KIAA1549: variants seen among roughly 807,000 people sequenced by gnomAD.
KIAA1549 encodes the protein KIAA1549.
KIAA1549 carries 70 observed loss-of-function variants against 156.4 expected under a neutral mutation model. The observed-to-expected ratio is 0.45, with a 90% CI of 0.37 to 0.55. The LOEUF (loss-of-function observed/expected upper bound fraction) is 0.55. KIAA1549 is among the 20% of genes least tolerant of loss of function. The pLI is 0.00. For synonymous variants in KIAA1549, 1,103 were observed against 1,066.4 expected, an observed-to-expected ratio of 1.03 and a Z score of -0.67; for missense variants, 2,428 against 2,540.9, an observed-to-expected ratio of 0.96 and a Z score of 0.96.
intron 14 of KIAA1549, 129 bp from the exon 15 acceptor site, chr7:138,868,257 G>A (rs563204556): frequency 2.5e-5 from 21 of 848,372 alleles, no homozygotes; most frequent in African/African-American, 2.2e-4. Context: ...GGATATAAAC[G>A]CCATGTACGA....
chr7:138,845,369 A>T (rs888243124), intron 17 of KIAA1549, among the ~76,000 whole-genome samples: 1 of 152,178 alleles, frequency 6.6e-6, no homozygotes, highest in Non-Finnish European at 1.5e-5. Flanking sequence ...GGCTTCAGAG[A>T]ATACATAGTT....
intron 1 of KIAA1549, among the ~76,000 whole-genome samples, chr7:138,944,062 C>T (rs1367111781): frequency 6.7e-6 from 1 of 148,198 alleles, no homozygotes; most frequent in Non-Finnish European, 1.5e-5. Flanking sequence ...TTACACTGAG[C>T]GGGCCTCTCT....
chr7:138,960,269 C>G (rs1356510784), intron 1 of KIAA1549, among the ~76,000 whole-genome samples: 1 of 150,890 alleles, frequency 6.6e-6, no homozygotes, highest in Non-Finnish European at 1.5e-5. Flanking sequence ...GACCTCATCT[C>G]TACAAAAATA....
At chr7:138,882,753 A>G (rs1811278988) in intron 10 of KIAA1549, among the ~76,000 whole-genome samples, 1 of 152,186 alleles carries the variant, frequency 6.6e-6, no homozygotes, top group Non-Finnish European at 1.5e-5. Context: ...TCTAGAAAGA[A>G]GTAGTCAAAA....
At chr7:138,975,565 C>G (rs6952500) in intron 1 of KIAA1549, among the ~76,000 whole-genome samples, 7,376 of 152,118 alleles carry the variant, frequency 0.048, 199 homozygotes, top group Middle Eastern at 0.082. Flanking sequence ...CTTTCTTACA[C>G]CGAGGAGGAA....
At chr7:138,969,917 C>T (rs1584792621) in intron 1 of KIAA1549, among the ~76,000 whole-genome samples, 1 of 152,184 alleles carries the variant, frequency 6.6e-6, no homozygotes, top group African/African-American at 2.4e-5. Context: ...GCATAATAAT[C>T]ACATCAAGGT....
intron 1 of KIAA1549, among the ~76,000 whole-genome samples, chr7:138,925,045 C>A (rs1393087440): frequency 6.6e-6 from 1 of 152,150 alleles, no homozygotes; most frequent in Non-Finnish European, 1.5e-5. Flanking sequence ...AGGCAACAAA[C>A]CCTTGTTCAC....
intron 1 of KIAA1549, among the ~76,000 whole-genome samples, chr7:138,941,474 C>T (rs971227904): frequency 3.9e-5 from 6 of 152,198 alleles, no homozygotes; most frequent in African/African-American, 7.2e-5. Context: ...CCTTAAGACA[C>T]GATGGTTAAA....
Position 138,838,054 on chromosome 7 carries a change from C to A in KIAA1549, c.5705G>T (p.Gly1902Val). 1.3e-6 allele frequency: 2 copies of A among 1,599,738 alleles called. No homozygotes were observed. The highest frequency in any genetic ancestry group is 1.7e-5 in the Admixed American group (1 of 57,468). ...GTAACCCAGCCCAGGGCCCTGCAGT[C>A]CCCGGTGGGGGAGGTTCCCGGAAGG... ...SAPSGNLPHRGLQGPGLGYPT... is the reference protein window; with the variant it reads ...SAPSGNLPHRVLQGPGLGYPT... The change falls in exon 20 of 20, where the codon GGA (glycine) becomes GTA (valine). Residue 1902 changes from glycine to valine, a missense_variant. Coordinates refer to ENST00000422774, the MANE Select transcript of KIAA1549 (RefSeq NM_001164665.2).
chr7:138,912,313 G>A, intron 3 of KIAA1549, 59 bp downstream of exon 3: 1 of 1,241,086 alleles, frequency 8.1e-7, no homozygotes, highest in Non-Finnish European at 1.2e-6. Flanking sequence ...TCTAACCTGG[G>A]GCTCTCACAT....
At chr7:138,938,497 G>A (rs1023164707) in intron 1 of KIAA1549, among the ~76,000 whole-genome samples, 1 of 152,126 alleles carries the variant, frequency 6.6e-6, no homozygotes, top group Non-Finnish European at 1.5e-5. Flanking sequence ...ATTATCCATA[G>A]CATTAACTCT....
intron 1 of KIAA1549, among the ~76,000 whole-genome samples, chr7:138,925,100 G>A (rs1812675504): frequency 6.6e-6 from 1 of 152,160 alleles, no homozygotes; most frequent in South Asian, 2.1e-4. Flanking sequence ...CCAGGTTCTG[G>A]CCATGCTGGA....
chr7:138,890,635 C>A (rs1295564159), intron 10 of KIAA1549, among the ~76,000 whole-genome samples: 3 of 152,218 alleles, frequency 2.0e-5, no homozygotes, highest in Non-Finnish European at 4.4e-5. Context: ...ACTGAGACCA[C>A]CTACACGTTA....
intron 16 of KIAA1549, among the ~76,000 whole-genome samples, chr7:138,857,070 C>T (rs998213624): frequency 6.6e-6 from 1 of 152,324 alleles, no homozygotes; most frequent in Admixed American, 6.5e-5. Flanking sequence ...TGGAAACCAT[C>T]GCTCAGGCCT....
At chr7:138,863,349 C>A (rs1332274799) in intron 15 of KIAA1549, among the ~76,000 whole-genome samples, 8 of 152,004 alleles carry the variant, frequency 5.3e-5, no homozygotes, top group Non-Finnish European at 1.0e-4. Context: ...CGTTACCCAT[C>A]TGGATCAGTG....
chr7:138,901,034 T>C (rs895908710), intron 8 of KIAA1549, among the ~76,000 whole-genome samples: 24 of 152,242 alleles, frequency 1.6e-4, no homozygotes, highest in Non-Finnish European at 2.4e-4. Flanking sequence ...ATGAGATTCC[T>C]ATCTGGAACC....
At position 138,834,564 on chromosome 7, in the gene KIAA1549, G is replaced by A; in HGVS notation, c.*3342C>T. On this transcript the variant is annotated 3_prime_UTR_variant, in exon 20 of 20. Coordinates refer to ENST00000422774, the MANE Select transcript of KIAA1549 (RefSeq NM_001164665.2). ...ATCTCAGAAGGCAAGGCTCATGTCTGCTGGGTTATTTGGTGCCAGAGACAC... is the reference window on the plus strand; with the variant it reads ...ATCTCAGAAGGCAAGGCTCATGTCTACTGGGTTATTTGGTGCCAGAGACAC... 4.3e-6 allele frequency: 1 copy of A among 230,854 alleles called. No individual in the cohort carries two copies. The highest frequency in any genetic ancestry group is 8.6e-6 in the Non-Finnish European group (1 of 116,480). 14.3% of individuals were successfully genotyped at this position (230,854 alleles called of 1,614,324 possible).
chr7:138,919,897 T>C lies in KIAA1549; in HGVS notation c.188-459A>G, dbSNP rs1020332948. Among the ~76,000 whole-genome samples the C allele has an allele frequency of 2.7e-4, 41 of 152,176 alleles. 1 individual carries two copies. The highest frequency in any genetic ancestry group is 9.4e-4 in the African/African-American group (39 of 41,438). On this transcript the variant is annotated intron_variant, in intron 1 of 19. Transcript: ENST00000422774. ...GGCCTGTGTGTTTTCTCTTCAGTGA[T>C]AGGAGCTGGCTGCTACGAGAAATGA...
intron 16 of KIAA1549, among the ~76,000 whole-genome samples, chr7:138,860,246 C>T (rs1810533470): frequency 6.6e-6 from 1 of 152,206 alleles, no homozygotes; most frequent in South Asian, 2.1e-4. Flanking sequence ...CCACCCCACC[C>T]CACATGATAG....
Sources: allele counts gnomAD v4.1 joint callset (sites outside exome capture counted in the v4.1 genomes callset), GRCh38; gene constraint gnomAD v4.1.1; transcripts MANE v1.5; gene names NCBI Gene and HGNC (gene_info 2026-07-23, HGNC 2026-07-21).